MMS22L: variants seen among roughly 807,000 people sequenced by gnomAD.
MMS22L encodes protein MMS22-like.
Under a neutral mutation model 159.1 loss-of-function variants are expected in MMS22L, and 74 were observed. That is an observed-to-expected ratio of 0.47 (90% CI 0.39 to 0.56). MMS22L has a LOEUF of 0.56. MMS22L is among the 20% of genes least tolerant of loss of function. The pLI, the probability that MMS22L is intolerant of heterozygous loss-of-function variation, is 0.00. For missense variants in MMS22L, 1,351 were observed against 1,422.1 expected (o/e 0.95, Z 0.80); for synonymous variants, 517 against 506.9 (o/e 1.02, Z -0.27).
At chr6:97,154,789 G>A (rs890380112) in intron 22 of MMS22L, among the ~76,000 whole-genome samples, 2 of 152,100 alleles carry the variant, frequency 1.3e-5, no homozygotes, top group African/African-American at 4.8e-5. Context: ...ATCTCTGAAC[G>A]CTTAATTCTA....
In MMS22L at chr6:97,246,634, A is replaced by AATT. The variant is rs1812672449; in HGVS notation, c.1175_1176insAAT (p.Ser392delinsArgIle). On this transcript the variant is annotated protein_altering_variant, in exon 11 of 25. Coordinates refer to ENST00000683635, the MANE Select transcript of MMS22L (RefSeq NM_001350599.2). The stretch of plus-strand genomic sequence containing the variant: ...TCTTACTTTAATTGCATACCTGAAC[A>AATT]CTGATGGACTTTTTCAGCAGTTCTT... 6.2e-7 allele frequency: 1 copy of AATT among 1,610,352 alleles called. No homozygotes were observed. The highest frequency in any genetic ancestry group is 1.7e-5 in the Admixed American group (1 of 59,520).
chr6:97,214,410 C>T (rs909750092), intron 14 of MMS22L, among the ~76,000 whole-genome samples: 4 of 152,084 alleles, frequency 2.6e-5, no homozygotes, highest in Admixed American at 1.3e-4. Context: ...ATATAGTAAG[C>T]GAAGAAGCCA....
At chr6:97,147,777 C>G (rs1800984592) in intron 24 of MMS22L, among the ~76,000 whole-genome samples, 1 of 152,152 alleles carries the variant, frequency 6.6e-6, no homozygotes, top group African/African-American at 2.4e-5. Flanking sequence ...TCCATTCTGG[C>G]ATACAAAAGC....
In MMS22L at chr6:97,195,161, A is replaced by G. The variant is rs144763046; in HGVS notation, c.2040-8471T>C. On this transcript the variant is annotated intron_variant, in intron 14 of 24. Transcript: ENST00000683635. ...AAAGAACTAAATAAGTAAGGGAGGG[A>G]AACACACAGGTATATGGGGAAGAAT... is the stretch of plus-strand genomic sequence containing the variant. Among the ~76,000 whole-genome samples the G allele has an allele frequency of 2.1e-3, 324 of 152,314 alleles. 4 individuals are homozygous for G. The highest frequency in any genetic ancestry group is 7.4e-3 in the African/African-American group (307 of 41,564).
intron 20 of MMS22L, among the ~76,000 whole-genome samples, chr6:97,166,731 G>A (rs193185625): frequency 6.6e-6 from 1 of 152,106 alleles, no homozygotes; most frequent in Non-Finnish European, 1.5e-5. Flanking sequence ...CGAAGCTTAA[G>A]AGAATTCTTA....
At chr6:97,278,971 T>C (rs763623046) in intron 3 of MMS22L, 73 bp from the exon 4 acceptor site, 2 of 1,280,312 alleles carry the variant, frequency 1.6e-6, no homozygotes, top group Non-Finnish European at 2.2e-6. Context: ...GTGGACAATG[T>C]TTCCAAATTA....
At chr6:97,274,812 C>G (rs9384902) in intron 4 of MMS22L, among the ~76,000 whole-genome samples, 55,120 of 151,828 alleles carry the variant, frequency 0.36, 11,462 homozygotes, top group East Asian at 0.79. Context: ...TATTACCCAA[C>G]GCCAGGGAAA....
At chr6:97,264,442 CT>C (rs1438879203) in intron 8 of MMS22L, 1 of 151,734 alleles carries the variant, frequency 6.6e-6, no homozygotes, top group African/African-American at 2.4e-5. Context: ...TATAGCTAGG[CT>C]TCTTAAATTA....
At chr6:97,281,487 G>T in intron 2 of MMS22L, 125 bp from the exon 3 acceptor site, 1 of 711,942 alleles carries the variant, frequency 1.4e-6, no homozygotes. Flanking sequence ...AAAATGCCTT[G>T]GTACTTTACA....
At chr6:97,230,336 C>T (rs1810729354) in intron 13 of MMS22L, 1 of 147,786 alleles carries the variant, frequency 6.8e-6, no homozygotes, top group South Asian at 2.2e-4. Flanking sequence ...AACTCCTGAT[C>T]TCAAGTGATA....
rs1810582944 is a variant in MMS22L at position 97,229,202 on chromosome 6, G to C, written c.1731C>G (p.Phe577Leu). ...GATTTTTCTGGGCATACATCAAGAG[G>C]AAGGCCATGTGACCCTTCCAAATGA... Reference protein sequence around the residue: ...RALIWKGHMAFLLMYAQKNLD... With the variant: ...RALIWKGHMALLLMYAQKNLD... Residue 577 changes from phenylalanine (F) to leucine (L), a missense_variant, in exon 14 of 25, where the codon TTC becomes TTG. Physicochemically the swap from Phe to Leu is conservative, Grantham distance 22. Transcript: ENST00000683635. 1 of 1,614,050 alleles carries C rather than the reference G, an allele frequency of 6.2e-7. No individual in the cohort carries two copies.
intron 23 of MMS22L, among the ~76,000 whole-genome samples, chr6:97,150,481 G>A (rs1184149399): frequency 6.6e-6 from 1 of 151,942 alleles, no homozygotes; most frequent in South Asian, 2.1e-4. Context: ...TTCCTTAACT[G>A]AATAAAAGAC....
chr6:97,271,206 G>C (rs1267671455), intron 6 of MMS22L: 1 of 152,018 alleles, frequency 6.6e-6, no homozygotes, highest in Non-Finnish European at 1.5e-5. Flanking sequence ...TTTCAGAAAA[G>C]AACAGTATTT....
intron 14 of MMS22L, among the ~76,000 whole-genome samples, chr6:97,220,495 T>C (rs752043287): frequency 1.3e-5 from 2 of 152,122 alleles, no homozygotes; most frequent in Admixed American, 6.6e-5. Context: ...CTCTATGATA[T>C]GTGAATTATA....
At chr6:97,179,749 A>C (rs1222318523) in intron 16 of MMS22L, among the ~76,000 whole-genome samples, 190 bp from the exon 17 acceptor site, 2 of 152,230 alleles carry the variant, frequency 1.3e-5, no homozygotes, top group African/African-American at 2.4e-5. Context: ...GATGTTAAAC[A>C]AATATCCTTC....
chr6:97,204,919 G>C (rs962143649), intron 14 of MMS22L, among the ~76,000 whole-genome samples: 1 of 138,258 alleles, frequency 7.2e-6, no homozygotes, highest in Non-Finnish European at 1.6e-5. Flanking sequence ...TTTGTGCTTT[G>C]AGGGCCATGT....
chr6:97,217,412 C>A (rs1009094926), intron 14 of MMS22L, among the ~76,000 whole-genome samples: 1 of 151,900 alleles, frequency 6.6e-6, no homozygotes, highest in Non-Finnish European at 1.5e-5. Context: ...CACCACCACG[C>A]CCAGCTAATT....
At chr6:97,152,302 C>T (rs1484677277) in intron 22 of MMS22L, among the ~76,000 whole-genome samples, 1 of 151,804 alleles carries the variant, frequency 6.6e-6, no homozygotes, top group Non-Finnish European at 1.5e-5. Context: ...AACTAGATAC[C>T]GTGAACAATT....
At chr6:97,265,756 C>G (rs1352673727) in intron 8 of MMS22L, 1 of 151,492 alleles carries the variant, frequency 6.6e-6, no homozygotes, top group African/African-American at 2.4e-5. Flanking sequence ...TCTCTGTTGC[C>G]AGGCTGGAGT....
Sources: allele counts gnomAD v4.1 joint callset (sites outside exome capture counted in the v4.1 genomes callset), GRCh38; gene constraint gnomAD v4.1.1; transcripts MANE v1.5; gene names NCBI Gene and HGNC (gene_info 2026-07-23, HGNC 2026-07-21).